The following GFOD2 variants were observed in gnomAD, a reference collection of about 807,000 sequenced individuals.
GFOD2 encodes the protein glucose-fructose oxidoreductase domain-containing protein 2.
Under a neutral mutation model 24.6 loss-of-function variants are expected in GFOD2, and 9 were observed. That is an observed-to-expected ratio of 0.37 (90% CI 0.22 to 0.64). The LOEUF is 0.64. Among genes scored for constraint, GFOD2 ranks in the 30% least tolerant of loss-of-function variants. The pLI is 0.65. For synonymous variants in GFOD2, 211 were observed against 224.8 expected, an observed-to-expected ratio of 0.94 and a Z score of 0.55; for missense variants, 476 against 532.5, an observed-to-expected ratio of 0.89 and a Z score of 1.04.
At chr16:67,681,933 AC>A in intron 2 of GFOD2, 1 of 979,682 alleles carries the variant, frequency 1.0e-6, no homozygotes, top group Non-Finnish European at 1.2e-6. Context: ...TAATTCCAGC[AC>A]TTTGGGGGGC....
chr16:67,700,786 A>G (rs1466366925), intron 1 of GFOD2, among the ~76,000 whole-genome samples: 1 of 151,376 alleles, frequency 6.6e-6, no homozygotes, highest in Non-Finnish European at 1.5e-5. Context: ...TAATCCCAGC[A>G]CTTTGGGAGG....
chr16:67,685,378 C>G, intron 2 of GFOD2, 79 bp downstream of exon 2: 1 of 1,593,794 alleles, frequency 6.3e-7, no homozygotes, highest in Middle Eastern at 1.7e-4. Context: ...AAGGAGAGCT[C>G]AGAGGAGAGG....
intron 1 of GFOD2, among the ~76,000 whole-genome samples, chr16:67,692,955 A>C (rs2053326906): frequency 6.6e-6 from 1 of 151,560 alleles, no homozygotes; most frequent in African/African-American, 2.4e-5. Context: ...GCGTGAACCC[A>C]GGAGGCAGAG....
chr16:67,680,637 T>C (rs2053218176), intron 2 of GFOD2: 2 of 669,502 alleles, frequency 3.0e-6, no homozygotes, highest in Non-Finnish European at 3.7e-6. Flanking sequence ...TTTGTACTTA[T>C]GGGCATCTTA....
At chr16:67,701,929 G>C (rs2053405129) in intron 1 of GFOD2, among the ~76,000 whole-genome samples, 1 of 152,054 alleles carries the variant, frequency 6.6e-6, no homozygotes, top group African/African-American at 2.4e-5. Flanking sequence ...TTTTTTCCCA[G>C]ACTGCCTGAA....
chr16:67,688,588 T>G, intron 1 of GFOD2, among the ~76,000 whole-genome samples: 1 of 151,982 alleles, frequency 6.6e-6, no homozygotes, highest in East Asian at 1.9e-4. Flanking sequence ...AACCAGCAGT[T>G]CCCCACTCCA....
At position 67,675,721 on chromosome 16, in the gene GFOD2, G is replaced by A. The variant is rs760702148; in HGVS notation, c.592C>T (p.His198Tyr). The change falls in exon 3 of 3, where the codon CAC becomes TAC. Residue 198 changes from histidine (H) to tyrosine (Y), a missense_variant. Transcript: ENST00000268797. ...CTCACGAATGTCTTGAGCAGCCCGT[G>A]CACCTTCTCGGCTCTCCGGCCGGTC... ...HLTGRRAEKV[H>Y]GLLKTFVRQN... 1.9e-6 allele frequency: 3 copies of A among 1,613,960 alleles called. No individual in the cohort carries two copies. Among genetic ancestry groups the A allele is most frequent in the Admixed American group, 1.7e-5 (1 of 60,018 alleles).
intron 2 of GFOD2, chr16:67,681,439 T>C (rs2053224496): frequency 1.0e-6 from 1 of 979,240 alleles, no homozygotes; most frequent in Non-Finnish European, 1.2e-6. Flanking sequence ...TTTGTTTTTT[T>C]AGATGGGGAC....
At chr16:67,699,752 G>A (rs2053387509) in intron 1 of GFOD2, among the ~76,000 whole-genome samples, 2 of 151,980 alleles carry the variant, frequency 1.3e-5, no homozygotes, top group African/African-American at 2.4e-5. Flanking sequence ...CCAAAGTGCT[G>A]GGGTAACAGG....
intron 2 of GFOD2, chr16:67,684,784 A>C: frequency 1.0e-6 from 1 of 983,646 alleles, no homozygotes; most frequent in Non-Finnish European, 1.2e-6. Flanking sequence ...AAAGAGAAGA[A>C]GTTGACTCCA....
At chr16:67,678,812 C>T (rs1419660753) in intron 2 of GFOD2, among the ~76,000 whole-genome samples, 1 of 152,160 alleles carries the variant, frequency 6.6e-6, no homozygotes, top group South Asian at 2.1e-4. Context: ...TTATTACCAT[C>T]GCCAAGGGAG....
At chr16:67,697,505 G>A (rs770842173) in intron 1 of GFOD2, among the ~76,000 whole-genome samples, 21 of 152,294 alleles carry the variant, frequency 1.4e-4, no homozygotes, top group South Asian at 1.2e-3. Flanking sequence ...ATGCAACCCT[G>A]TTGTACAGAT....
intron 2 of GFOD2, chr16:67,684,006 G>A: frequency 3.4e-6 from 2 of 587,410 alleles, no homozygotes; most frequent in South Asian, 1.5e-4. Flanking sequence ...ACAGGGAGGG[G>A]TCCAATCTAA....
chr16:67,701,637 T>C (rs1567660037), intron 1 of GFOD2, among the ~76,000 whole-genome samples: 2 of 152,178 alleles, frequency 1.3e-5, no homozygotes, highest in South Asian at 2.1e-4. Flanking sequence ...AGGGGAATTT[T>C]TGTGGGGTGA....
chr16:67,699,615 C>G (rs988957188), intron 1 of GFOD2, among the ~76,000 whole-genome samples: 4 of 151,952 alleles, frequency 2.6e-5, no homozygotes, highest in African/African-American at 9.7e-5. Context: ...ACCCGAGCAG[C>G]TGGGACCACA....
At chr16:67,678,054 G>C (rs2053195504) in intron 2 of GFOD2, among the ~76,000 whole-genome samples, 1 of 152,268 alleles carries the variant, frequency 6.6e-6, no homozygotes, top group African/African-American at 2.4e-5. Context: ...ACTGCAGGGT[G>C]CAGCTTACCC....
chr16:67,691,517 C>CAA (rs571514888), intron 1 of GFOD2, among the ~76,000 whole-genome samples: 3 of 139,914 alleles, frequency 2.1e-5, no homozygotes, highest in Non-Finnish European at 4.6e-5. Flanking sequence ...GACCCCCCCC[C>CAA]AAAAAAAAAA....
chr16:67,683,826 C>T, intron 2 of GFOD2: 5 of 1,219,996 alleles, frequency 4.1e-6, no homozygotes, highest in Non-Finnish European at 5.1e-6. Context: ...GGTTCCTCGA[C>T]CTAGAGATCT....
intron 2 of GFOD2, chr16:67,685,219 CT>C: frequency 1.4e-6 from 2 of 1,418,126 alleles, no homozygotes; most frequent in East Asian, 5.0e-5. Context: ...CCCTTGATGG[CT>C]GTCTCTTAGA....
Sources: gnomAD v4.1 joint callset for allele counts (sites outside exome capture counted in the v4.1 genomes callset) on GRCh38, gnomAD v4.1.1 for gene constraint, MANE v1.5 for transcripts, NCBI Gene and HGNC (gene_info 2026-07-23, HGNC 2026-07-21) for gene names.